Variants in CAMTA1 observed in about 807,000 individuals in gnomAD.
The protein encoded by CAMTA1 is calmodulin binding transcription activator 1.
A neutral mutation model predicts 170.9 loss-of-function variants in CAMTA1; 27 were observed. The observed-to-expected ratio is 0.16, with a 90% CI of 0.12 to 0.22. The LOEUF (loss-of-function observed/expected upper bound fraction) is 0.22, where lower values mean the gene tolerates loss of function less well. CAMTA1 is among the 10% of genes least tolerant of loss of function. The pLI is 1.00. For synonymous variants in CAMTA1, 833 were observed against 891.5 expected, an observed-to-expected ratio of 0.93 and a Z score of 1.17; for missense variants, 1,619 against 2,217.2, an observed-to-expected ratio of 0.73 and a Z score of 5.42.
intron 4 of CAMTA1, among the ~76,000 whole-genome samples, chr1:7,161,085 T>C (rs1647186077): frequency 6.6e-6 from 1 of 152,222 alleles, no homozygotes; most frequent in Non-Finnish European, 1.5e-5. Flanking sequence ...TCTATAAACC[T>C]CAATTCTGTG....
intron 5 of CAMTA1, among the ~76,000 whole-genome samples, chr1:7,398,154 G>GCGCTCTCTCTCTCTCT (rs2089481300): frequency 3.8e-5 from 1 of 26,264 alleles, no homozygotes; most frequent in African/African-American, 1.1e-4. Context: ...TAATAATATT[G>GCGCTCTCTCTCTCTCT]CTCTCTCTCT....
At position 7,058,086 on chromosome 1, in the gene CAMTA1, CCT is replaced by C. The variant is rs1707636120; in HGVS notation, c.235-33213_235-33212del. 9.9e-5 allele frequency among the ~76,000 whole-genome samples: 15 copies of C among 152,170 alleles called. 1 individual carries two copies. The South Asian group carries it at 3.1e-3, about 32-fold the overall frequency. ...CAGGCAGGACGGAGACCGGCCCCTT[CCT>C]CTCTTTCCCCTCACACCAGATGGCT... On this transcript the variant is annotated intron_variant, in intron 3 of 22. Coordinates refer to ENST00000303635, the MANE Select transcript of CAMTA1 (RefSeq NM_015215.4).
chr1:7,525,353 C>T (rs2094419060), intron 6 of CAMTA1, among the ~76,000 whole-genome samples: 1 of 152,076 alleles, frequency 6.6e-6, no homozygotes, highest in Non-Finnish European at 1.5e-5. Context: ...TCACCCATCC[C>T]AGCTCCAGCC....
chr1:7,006,813 C>T (rs1252792943), intron 3 of CAMTA1, among the ~76,000 whole-genome samples: 1 of 152,166 alleles, frequency 6.6e-6, no homozygotes, highest in East Asian at 1.9e-4. Flanking sequence ...CCCACACTAA[C>T]ATTCTATGAT....
chr1:7,377,419 G>A (rs1462525016), intron 5 of CAMTA1, among the ~76,000 whole-genome samples: 2 of 152,250 alleles, frequency 1.3e-5, no homozygotes, highest in Middle Eastern at 3.4e-3. Flanking sequence ...TTCTCAGGCC[G>A]ACTTCCCTGT....
intron 6 of CAMTA1, among the ~76,000 whole-genome samples, chr1:7,497,098 G>A (rs1439176152): frequency 6.6e-6 from 1 of 152,164 alleles, no homozygotes; most frequent in Non-Finnish European, 1.5e-5. Context: ...CATCACCCAA[G>A]ATAAGCAGAA....
intron 1 of CAMTA1, among the ~76,000 whole-genome samples, chr1:6,810,046 A>G (rs1367420333): frequency 1.3e-5 from 2 of 152,160 alleles, no homozygotes; most frequent in Non-Finnish European, 2.9e-5. Flanking sequence ...CTGTGAGTGT[A>G]TTAGTTATCT....
chr1:6,983,984 GGATA>G (rs982553941), intron 3 of CAMTA1, among the ~76,000 whole-genome samples: 2 of 137,536 alleles, frequency 1.5e-5, no homozygotes, highest in Non-Finnish European at 3.1e-5. Flanking sequence ...GTGGATGAGT[GGATA>G]GATGGATGGA....
At chr1:7,109,385 A>G (rs1643881611) in intron 4 of CAMTA1, among the ~76,000 whole-genome samples, 1 of 152,168 alleles carries the variant, frequency 6.6e-6, no homozygotes, top group Non-Finnish European at 1.5e-5. Flanking sequence ...CATGGCATCA[A>G]TACGCACTCT....
At chr1:7,553,368 CTG>C (rs139256641) in intron 6 of CAMTA1, among the ~76,000 whole-genome samples, 4,938 of 152,304 alleles carry the variant, frequency 0.032, 115 homozygotes, top group Admixed American at 0.067. Context: ...GTGCAGAAAT[CTG>C]TGCTTTAGAG....
At chr1:6,901,035 A>G (rs1676824940) in intron 3 of CAMTA1, among the ~76,000 whole-genome samples, 2 of 152,258 alleles carry the variant, frequency 1.3e-5, no homozygotes, top group African/African-American at 2.4e-5. Flanking sequence ...GGTATTGCAA[A>G]AAGATGGACA....
intron 6 of CAMTA1, among the ~76,000 whole-genome samples, chr1:7,516,628 CAA>C (rs1391444408): frequency 6.6e-6 from 1 of 152,126 alleles, no homozygotes; most frequent in East Asian, 1.9e-4. Context: ...CACCCCAAGA[CAA>C]GAGGAATGCT....
chr1:7,728,320 C>A (rs1170609929), intron 11 of CAMTA1, among the ~76,000 whole-genome samples: 1 of 152,240 alleles, frequency 6.6e-6, no homozygotes, highest in Non-Finnish European at 1.5e-5. Context: ...GATGCGGGGA[C>A]CGCACTGCAG....
At chr1:7,259,353 G>GT (rs1667851295) in intron 5 of CAMTA1, among the ~76,000 whole-genome samples, 1 of 152,156 alleles carries the variant, frequency 6.6e-6, no homozygotes, top group South Asian at 2.1e-4. Flanking sequence ...TACTGAAGCG[G>GT]TCAGTATTGC....
chr1:7,442,980 G>A (rs1473769758), intron 5 of CAMTA1, among the ~76,000 whole-genome samples: 1 of 151,838 alleles, frequency 6.6e-6, no homozygotes, highest in Non-Finnish European at 1.5e-5. Flanking sequence ...TTGACCTCCT[G>A]GACTCAGGAT....
intron 3 of CAMTA1, among the ~76,000 whole-genome samples, chr1:6,949,991 A>C (rs1027773902): frequency 6.6e-6 from 1 of 152,284 alleles, no homozygotes; most frequent in African/African-American, 2.4e-5. Flanking sequence ...TGGCAGAGCC[A>C]GAATGGGCTC....
At chr1:7,344,490 T>C (rs138553694) in intron 5 of CAMTA1, among the ~76,000 whole-genome samples, 30 of 152,344 alleles carry the variant, frequency 2.0e-4, no homozygotes, top group Admixed American at 1.3e-3. Context: ...ATGAGACTCA[T>C]GAATATTCAT....
chr1:7,640,333 G>A (rs976477004), intron 6 of CAMTA1, 67 bp from the exon 7 acceptor site: 58 of 1,575,964 alleles, frequency 3.7e-5, no homozygotes, highest in Non-Finnish European at 4.9e-5. Flanking sequence ...CTGCGGGGTT[G>A]GGGGCGGCCC....
At chr1:7,026,408 G>A (rs970356956) in intron 3 of CAMTA1, among the ~76,000 whole-genome samples, 2 of 152,092 alleles carry the variant, frequency 1.3e-5, no homozygotes, top group African/African-American at 4.8e-5. Context: ...TGTGGGAGTG[G>A]CAGCCCCGGT....
Sources: gnomAD v4.1 joint callset for allele counts (sites outside exome capture counted in the v4.1 genomes callset) on GRCh38, gnomAD v4.1.1 for gene constraint, MANE v1.5 for transcripts, NCBI Gene and HGNC (gene_info 2026-07-23, HGNC 2026-07-21) for gene names.